ELP3: variants seen among roughly 807,000 people sequenced by gnomAD.
ELP3 encodes the protein elongator acetyltransferase complex subunit 3.
In ELP3, 56 loss-of-function variants were observed where a neutral mutation model predicts 74.9. The ratio of observed to expected loss-of-function variants is 0.75; its 90% CI spans 0.60 to 0.93. ELP3 has a LOEUF of 0.93. ELP3 is among the 40% of genes least tolerant of loss of function. The probability of loss-of-function intolerance (pLI) is 0.00; values close to 1 mark genes in which losing one functional copy is unlikely to be tolerated. For synonymous variants in ELP3, 222 were observed against 239.8 expected (o/e 0.93, Z 0.68); for missense variants, 573 against 686.5 (o/e 0.83, Z 1.85).
chr8:28,121,065 A>G lies in ELP3; in HGVS notation c.617+7892A>G, dbSNP rs537051982. On this transcript the variant is annotated intron_variant, in intron 7 of 14. Coordinates refer to ENST00000256398, the MANE Select transcript of ELP3 (RefSeq NM_018091.6). ...TTTAGAATCAGCTGGCCAATGCTCT[A>G]TTAAAAAGTATAATGGATTTAGAAT... 1.4e-4 allele frequency among the ~76,000 whole-genome samples: 21 copies of G among 152,340 alleles called. No individual in the cohort carries two copies. The South Asian group carries it at 4.1e-3, about 30-fold the overall frequency.
intron 14 of ELP3, among the ~76,000 whole-genome samples, chr8:28,176,766 A>C (rs1814774764): frequency 6.6e-6 from 1 of 152,248 alleles, no homozygotes; most frequent in Non-Finnish European, 1.5e-5. Flanking sequence ...AAGATGGTAC[A>C]GTCTAACTTC....
intron 14 of ELP3, among the ~76,000 whole-genome samples, chr8:28,189,274 A>C (rs1815362967): frequency 6.6e-6 from 1 of 152,250 alleles, no homozygotes; most frequent in Non-Finnish European, 1.5e-5. Flanking sequence ...TAGGCAGCTC[A>C]GACAGTAAAT....
intron 7 of ELP3, among the ~76,000 whole-genome samples, chr8:28,126,139 C>G (rs2130446021): frequency 6.6e-6 from 1 of 152,238 alleles, no homozygotes; most frequent in South Asian, 2.1e-4. Context: ...AATAACAAGG[C>G]TGACTACTTG....
chr8:28,134,078 AT>A (rs1812886956), intron 9 of ELP3, among the ~76,000 whole-genome samples: 1 of 152,050 alleles, frequency 6.6e-6, no homozygotes, highest in Non-Finnish European at 1.5e-5. Flanking sequence ...TACATTAGGT[AT>A]TTCTCCTAAT....
chr8:28,153,526 G>A (rs919270623), intron 10 of ELP3, among the ~76,000 whole-genome samples: 8 of 152,200 alleles, frequency 5.3e-5, no homozygotes, highest in Non-Finnish European at 8.8e-5. Context: ...TCATAGGTAG[G>A]GAGGAAGTTT....
At chr8:28,091,058 C>G (rs1256735870), upstream of ELP3, among the ~76,000 whole-genome samples, 2 of 151,956 alleles carry the variant, frequency 1.3e-5, no homozygotes, top group Non-Finnish European at 2.9e-5. Flanking sequence ...AGGGGCCCAC[C>G]ACCACGCCCG....
rs188530861 is a variant in ELP3, at chr8:28,105,314, C to T, written c.259-1399C>T. Among the ~76,000 whole-genome samples the T allele has an allele frequency of 2.5e-3, 385 of 152,244 alleles. 2 individuals carry two copies. The highest frequency in any genetic ancestry group is 4.4e-3 in the Non-Finnish European group (300 of 68,016). ...CTGAGGCAGGAGAATTGCTTGAACCCAGGAGGTGGAGGTTGCAGTGAGCCA... is the reference window on the plus strand; with the variant it reads ...CTGAGGCAGGAGAATTGCTTGAACCTAGGAGGTGGAGGTTGCAGTGAGCCA... On this transcript the variant is annotated intron_variant, in intron 3 of 14. Transcript: ENST00000256398.
intron 14 of ELP3, among the ~76,000 whole-genome samples, chr8:28,166,887 A>G (rs1173233263): frequency 2.0e-5 from 3 of 152,234 alleles, no homozygotes; most frequent in African/African-American, 7.2e-5. Context: ...GCTAATTGCT[A>G]TGCAGCAAGA....
intron 3 of ELP3, 51 bp downstream of exon 3, chr8:28,100,017 A>C: frequency 6.2e-7 from 1 of 1,612,210 alleles, no homozygotes; most frequent in South Asian, 1.1e-5. Context: ...CTGTTCTGGC[A>C]GAAGTCCCTG....
intron 7 of ELP3, among the ~76,000 whole-genome samples, chr8:28,121,406 A>G (rs1812367085): frequency 6.8e-6 from 1 of 148,086 alleles, no homozygotes; most frequent in Non-Finnish European, 1.5e-5. Flanking sequence ...TGCAACCTGT[A>G]CCTTCTGGGC....
chr8:28,174,873 AT>A (rs1339277858), intron 14 of ELP3, among the ~76,000 whole-genome samples: 1 of 152,060 alleles, frequency 6.6e-6, no homozygotes, highest in Non-Finnish European at 1.5e-5. Flanking sequence ...AAATGTCCTA[AT>A]TTCTCTTTTA....
At chr8:28,096,883 G>C (rs1193722485) in intron 1 of ELP3, among the ~76,000 whole-genome samples, 1 of 152,148 alleles carries the variant, frequency 6.6e-6, no homozygotes, top group Admixed American at 6.6e-5. Context: ...TGGAGATAAA[G>C]GGAAGAGAAT....
In ELP3 at chr8:28,160,382, A is replaced by T. The variant is rs745492497; in HGVS notation, c.1411A>T (p.Ile471Leu). The change falls in exon 13 of 15, where the codon ATA (isoleucine) becomes TTA (leucine). Residue 471 changes from isoleucine (I) to leucine (L), a missense_variant. Transcript: ENST00000256398. ...FRFELGGGVSIVRELHVYGSV... is the reference protein window; with the variant it reads ...FRFELGGGVSLVRELHVYGSV... ...TTTCGAATTGGGTGGAGGTGTCTCC[A>T]TAGTACGAGAGCTGCATGTGTATGG... is the stretch of plus-strand genomic sequence containing the variant. 1.8e-5 allele frequency: 29 copies of T among 1,614,086 alleles called. No individual in the cohort carries two copies. In the Admixed American group the frequency reaches 4.8e-4, roughly 27 times the overall value.
intron 1 of ELP3, among the ~76,000 whole-genome samples, chr8:28,094,043 T>C (rs917456418): frequency 2.0e-5 from 3 of 152,262 alleles, no homozygotes; most frequent in Non-Finnish European, 4.4e-5. Flanking sequence ...TTAATCCCTA[T>C]GCTTCTTGAC....
intron 14 of ELP3, among the ~76,000 whole-genome samples, chr8:28,166,980 A>G (rs1238116489): frequency 1.3e-5 from 2 of 152,238 alleles, no homozygotes; most frequent in East Asian, 3.8e-4. Context: ...GAAAATTAAT[A>G]TGGCCATTGG....
intron 10 of ELP3, among the ~76,000 whole-genome samples, chr8:28,148,369 G>A (rs947510975): frequency 2.6e-5 from 4 of 152,100 alleles, no homozygotes; most frequent in Admixed American, 2.0e-4. Context: ...GTAGATAGCC[G>A]GCAGACGCAG....
chr8:28,101,615 A>G (rs1481444262), intron 3 of ELP3, among the ~76,000 whole-genome samples: 9 of 147,822 alleles, frequency 6.1e-5, no homozygotes, highest in Admixed American at 5.4e-4. Flanking sequence ...TACCTGAGAC[A>G]GTCTTGTTCT....
rs150445396 is a variant in ELP3 at position 28,139,144 on chromosome 8, C to G, written c.1100+1253C>G. On this transcript the variant is annotated intron_variant, in intron 10 of 14. Coordinates refer to ENST00000256398, the MANE Select transcript of ELP3 (RefSeq NM_018091.6). Reference sequence around the variant, plus strand: ...GAATGTGGCGAAAAGGGCATTCATTCCCACCAAGGGCAGATCTGGTACAGG... The same window carrying G: ...GAATGTGGCGAAAAGGGCATTCATTGCCACCAAGGGCAGATCTGGTACAGG... 4.6e-5 allele frequency among the ~76,000 whole-genome samples: 7 copies of G among 152,208 alleles called. No individual in the cohort carries two copies. In the East Asian group the frequency reaches 1.4e-3, roughly 29 times the overall value.
intron 6 of ELP3, among the ~76,000 whole-genome samples, chr8:28,111,647 C>T (rs1052298320): frequency 5.3e-5 from 8 of 152,162 alleles, no homozygotes; most frequent in African/African-American, 1.9e-4. Flanking sequence ...CTGACCTTTG[C>T]TTCAATTTCT....
Sources: gnomAD v4.1 joint callset for allele counts (sites outside exome capture counted in the v4.1 genomes callset) on GRCh38, gnomAD v4.1.1 for gene constraint, MANE v1.5 for transcripts, NCBI Gene and HGNC (gene_info 2026-07-23, HGNC 2026-07-21) for gene names.